The following LTBP1 variants were observed in gnomAD, a reference collection of about 807,000 sequenced individuals.
LTBP1 encodes latent-transforming growth factor beta-binding protein 1.
Under a neutral mutation model 207.6 loss-of-function variants are expected in LTBP1, and 129 were observed. That is an observed-to-expected ratio of 0.62 (90% CI 0.54 to 0.72). LTBP1 has a LOEUF of 0.72. Among genes scored for constraint, LTBP1 ranks in the 30% least tolerant of loss-of-function variants. LTBP1 has a pLI of 0.00. For synonymous variants in LTBP1, 963 were observed against 833.7 expected (o/e 1.16, Z -2.67); for missense variants, 2,281 against 2,217.2 (o/e 1.03, Z -0.58).
At chr2:33,279,604 G>T (rs1335557947) in intron 18 of LTBP1, among the ~76,000 whole-genome samples, 1 of 152,076 alleles carries the variant, frequency 6.6e-6, no homozygotes, top group African/African-American at 2.4e-5. Flanking sequence ...TGAAGCCAAA[G>T]TGAGAATTTC....
intron 17 of LTBP1, among the ~76,000 whole-genome samples, 195 bp from the exon 18 acceptor site, chr2:33,275,606 C>A (rs962390983): frequency 2.3e-4 from 35 of 152,000 alleles, no homozygotes; most frequent in African/African-American, 8.5e-4. Context: ...ATTGCTTAAA[C>A]CCAGGAGGTG....
At chr2:33,193,602 C>T (rs1390255918) in intron 7 of LTBP1, among the ~76,000 whole-genome samples, 1 of 152,178 alleles carries the variant, frequency 6.6e-6, no homozygotes, top group South Asian at 2.1e-4. Flanking sequence ...GTTCTGGCAG[C>T]CTTGCTTATA....
chr2:33,016,264 G>A (rs892898352), intron 2 of LTBP1, among the ~76,000 whole-genome samples: 1 of 152,176 alleles, frequency 6.6e-6, no homozygotes, highest in Non-Finnish European at 1.5e-5. Context: ...GGGTGGAAAA[G>A]GGGGTTTGGG....
chr2:33,179,677 C>G (rs188934513), intron 5 of LTBP1, among the ~76,000 whole-genome samples: 5 of 139,740 alleles, frequency 3.6e-5, no homozygotes, highest in African/African-American at 1.7e-4. Context: ...TAGAATCTGG[C>G]TAATGGGTTA....
intron 20 of LTBP1, among the ~76,000 whole-genome samples, chr2:33,298,546 C>T (rs985391843): frequency 6.6e-6 from 1 of 152,218 alleles, no homozygotes; most frequent in African/African-American, 2.4e-5. Context: ...AGTTCGTGAA[C>T]TGACATCTCA....
intron 26 of LTBP1, among the ~76,000 whole-genome samples, chr2:33,353,062 T>G (rs1468446565): frequency 7.4e-6 from 1 of 134,794 alleles, no homozygotes; most frequent in African/African-American, 2.8e-5. Flanking sequence ...CATCACAACC[T>G]CCACCTTCTG....
intron 4 of LTBP1, among the ~76,000 whole-genome samples, chr2:33,118,190 C>CAAAAAAAAAAAAAA: frequency 1.2e-5 from 1 of 81,412 alleles, no homozygotes; most frequent in Non-Finnish European, 2.4e-5. Flanking sequence ...AACTTGTGTG[C>CAAAAAAAAAAAAAA]AAAAAAAAAA....
intron 10 of LTBP1, among the ~76,000 whole-genome samples, chr2:33,251,897 T>A (rs1310809990): frequency 6.6e-6 from 1 of 152,166 alleles, no homozygotes; most frequent in African/African-American, 2.4e-5. Flanking sequence ...AAGGCAGGGC[T>A]GTGTTTTGCT....
rs1006861565 is a variant in LTBP1 at position 33,187,045 on chromosome 2, T to G, written c.1391T>G (p.Leu464Trp). Reference sequence around the variant, plus strand: ...CATGTCATCCATTCAACACATACCTTGCCTCTGACCGTGACTAGCCAGCAA... The same window carrying G: ...CATGTCATCCATTCAACACATACCTGGCCTCTGACCGTGACTAGCCAGCAA... The part of the protein sequence containing the change: ...GTHVIHSTHT[L>W]PLTVTSQQGV... The change falls in exon 6 of 34, where the codon TTG becomes TGG. Residue 464 changes from leucine (L) to tryptophan (W), a missense_variant. This residue lies in a region of LTBP1 where 1,671 missense variants were observed against 1,634.8 expected (regional missense o/e 1.02). Coordinates refer to ENST00000404816, the MANE Select transcript of LTBP1 (RefSeq NM_206943.4). The G allele has an allele frequency of 3.1e-6, 5 of 1,614,046 alleles. No individual in the cohort carries two copies. The highest frequency in any genetic ancestry group is 4.2e-6 in the Non-Finnish European group (5 of 1,180,024).
rs2078468929 is a variant in LTBP1, at chr2:33,082,431, A to AATTTTTTTTTTTTTTTTTTTT, written c.864-28151_864-28150insATTTTTTTTTTTTTTTTTTTT. Among the ~76,000 whole-genome samples the AATTTTTTTTTTTTTTTTTTTT allele has an allele frequency of 8.6e-5, 10 of 116,044 alleles. 4 individuals carry two copies. Among genetic ancestry groups the AATTTTTTTTTTTTTTTTTTTT allele is most frequent in the African/African-American group, 2.3e-4 (7 of 29,924 alleles). The allele number at this position is 116,044 out of a possible 152,430, so 76.1% of individuals were successfully genotyped here. A position where few individuals can be genotyped will look rare whatever the true frequency, so the allele number is the denominator to read the frequency against. ...GTTAACCGTGGCTAAAGTATGACTC[A>AATTTTTTTTTTTTTTTTTTTT]CTTTTTTTTTTTTTTTTTTTTTTTT... On this transcript the variant is annotated intron_variant, in intron 3 of 33. Transcript: ENST00000404816.
rs531088370 is a variant in LTBP1 at position 33,100,660 on chromosome 2, C to G, written c.864-9922C>G. Reference sequence around the variant, plus strand: ...CTGTTTCCAGAACTTTTCATCACCCCAAGGAGAAACTCTACCTATTAAACA... The same window carrying G: ...CTGTTTCCAGAACTTTTCATCACCCGAAGGAGAAACTCTACCTATTAAACA... On this transcript the variant is annotated intron_variant, in intron 3 of 33. Transcript: ENST00000404816. 7.2e-5 allele frequency among the ~76,000 whole-genome samples: 11 copies of G among 152,226 alleles called. No homozygotes were observed. In the East Asian group the frequency reaches 2.1e-3, roughly 29 times the overall value.
intron 2 of LTBP1, among the ~76,000 whole-genome samples, chr2:32,984,725 A>T (rs1683272062): frequency 6.6e-6 from 1 of 151,796 alleles, no homozygotes. Context: ...GTTCGAGACC[A>T]GCCTGGCCAA....
At chr2:33,060,246 G>A (rs1188738320) in intron 3 of LTBP1, among the ~76,000 whole-genome samples, 2 of 152,146 alleles carry the variant, frequency 1.3e-5, no homozygotes, top group African/African-American at 4.8e-5. Context: ...GAAGTGGGTT[G>A]AGAGGAAATA....
At chr2:33,040,761 C>A (rs1254363184) in intron 3 of LTBP1, among the ~76,000 whole-genome samples, 2 of 152,180 alleles carry the variant, frequency 1.3e-5, no homozygotes, top group Admixed American at 1.3e-4. Flanking sequence ...AGGCATAGAG[C>A]AGTTGGAACA....
At chr2:33,243,914 C>CCTCATTAATTAAA (rs1471109969) in intron 10 of LTBP1, 130 bp downstream of exon 10, 1 of 1,003,202 alleles carries the variant, frequency 1.0e-6, no homozygotes, top group African/African-American at 1.6e-5. Context: ...ATTAAAATAA[C>CCTCATTAATTAAA]AAGCAAGGGG....
intron 4 of LTBP1, among the ~76,000 whole-genome samples, chr2:33,113,120 C>T (rs912531246): frequency 3.3e-5 from 5 of 152,220 alleles, no homozygotes; most frequent in Non-Finnish European, 7.4e-5. Flanking sequence ...GCTATGGGAA[C>T]TAGAGAAGCG....
intron 10 of LTBP1, among the ~76,000 whole-genome samples, chr2:33,250,974 G>A (rs2092666743): frequency 1.3e-5 from 2 of 152,144 alleles, no homozygotes; most frequent in Non-Finnish European, 2.9e-5. Flanking sequence ...CACTGCCCAG[G>A]AGCCTGAGAA....
chr2:33,050,130 A>AT (rs11318613), intron 3 of LTBP1, among the ~76,000 whole-genome samples: 21,904 of 144,472 alleles, frequency 0.15, 1,797 homozygotes, highest in Non-Finnish European at 0.18. Flanking sequence ...AGGCGTAAGC[A>AT]TTTTTTTTTT....
chr2:33,183,480 G>A (rs973465630), intron 5 of LTBP1, among the ~76,000 whole-genome samples: 17 of 152,164 alleles, frequency 1.1e-4, no homozygotes, highest in African/African-American at 4.1e-4. Context: ...CATGATTTGC[G>A]AACCAAAGAG....
Sources: allele counts gnomAD v4.1 joint callset (sites outside exome capture counted in the v4.1 genomes callset), GRCh38; gene constraint gnomAD v4.1.1; regional missense constraint gnomAD v4.1.1; transcripts MANE v1.5; gene names NCBI Gene and HGNC (gene_info 2026-07-23, HGNC 2026-07-21).